The following SCHIP1 variants were observed in gnomAD, a reference collection of about 807,000 sequenced individuals.
SCHIP1 encodes the protein schwannomin-interacting protein 1.
Under a neutral mutation model 29.7 loss-of-function variants are expected in SCHIP1, and 8 were observed. That is an observed-to-expected ratio of 0.27 (90% confidence interval 0.16 to 0.49). The LOEUF is 0.49. Ranked by LOEUF, SCHIP1 falls within the 20% of genes least tolerant of loss-of-function variation. The pLI is 0.99. For synonymous variants in SCHIP1, 76 were observed against 94.9 expected (o/e 0.80, Z 1.16); for missense variants, 193 against 294.6 (o/e 0.66, Z 2.52).
chr3:159,891,382 A>C (rs1015464538), intron 5 of SCHIP1, among the ~76,000 whole-genome samples: 6 of 151,724 alleles, frequency 4.0e-5, no homozygotes, highest in Admixed American at 3.9e-4. Context: ...AAAAAAGAAA[A>C]AGGAAGGAAG....
the SCHIP1 span, among the ~76,000 whole-genome samples, chr3:159,542,144 A>G: frequency 1.3e-5 from 2 of 152,270 alleles, no homozygotes; most frequent in Middle Eastern, 3.4e-3. Context: ...CTCCAAACAC[A>G]GCAATGAAAT....
chr3:159,718,593 C>T, the SCHIP1 span, among the ~76,000 whole-genome samples: 4 of 152,066 alleles, frequency 2.6e-5, no homozygotes, highest in Admixed American at 2.6e-4. Flanking sequence ...CAATAACAGA[C>T]AAACAGAGAG....
At chr3:159,720,658 C>A in the SCHIP1 span, among the ~76,000 whole-genome samples, 3 of 152,040 alleles carry the variant, frequency 2.0e-5, no homozygotes, top group East Asian at 5.8e-4. Flanking sequence ...CATCTCGGCT[C>A]ACTGCAACCT....
the SCHIP1 span, among the ~76,000 whole-genome samples, chr3:159,620,805 T>C: frequency 6.6e-6 from 1 of 152,202 alleles, no homozygotes; most frequent in Non-Finnish European, 1.5e-5. Flanking sequence ...AACAGAACCA[T>C]GGAGGATCAT....
chr3:159,492,225 G>C, the SCHIP1 span, among the ~76,000 whole-genome samples: 17 of 152,280 alleles, frequency 1.1e-4, no homozygotes, highest in Non-Finnish European at 1.8e-4. Context: ...CAGCTCCCTA[G>C]CAGCAACGGA....
chr3:159,787,306 T>C, the SCHIP1 span, among the ~76,000 whole-genome samples: 1 of 152,236 alleles, frequency 6.6e-6, no homozygotes, highest in African/African-American at 2.4e-5. Context: ...TGGTTGTCTT[T>C]GTAAACACTG....
At chr3:159,614,671 G>A in the SCHIP1 span, among the ~76,000 whole-genome samples, 1 of 152,144 alleles carries the variant, frequency 6.6e-6, no homozygotes, top group African/African-American at 2.4e-5. Context: ...GTTCAGAAAG[G>A]CAATTGCGTA....
the SCHIP1 span, among the ~76,000 whole-genome samples, chr3:159,592,308 T>C: frequency 6.6e-6 from 1 of 152,174 alleles, no homozygotes. Flanking sequence ...TTGGGGAAAG[T>C]ACCTCTGAAC....
chr3:159,675,542 G>A, the SCHIP1 span, among the ~76,000 whole-genome samples: 6 of 152,276 alleles, frequency 3.9e-5, no homozygotes, highest in African/African-American at 2.4e-5. Flanking sequence ...ATGGTTCCAC[G>A]AAAAGGCCAG....
At chr3:159,459,759 T>C in the SCHIP1 span, among the ~76,000 whole-genome samples, 1 of 152,148 alleles carries the variant, frequency 6.6e-6, no homozygotes, top group East Asian at 1.9e-4. Context: ...GAAAATGTTA[T>C]TGAGTTAAAA....
chr3:159,594,257 G>T, the SCHIP1 span, among the ~76,000 whole-genome samples: 1 of 152,222 alleles, frequency 6.6e-6, no homozygotes, highest in Non-Finnish European at 1.5e-5. Flanking sequence ...ATTGATGGCT[G>T]GGAAATTAAT....
At chr3:159,769,252 A>G in the SCHIP1 span, among the ~76,000 whole-genome samples, 1 of 139,786 alleles carries the variant, frequency 7.2e-6, no homozygotes, top group African/African-American at 2.6e-5. Flanking sequence ...CTCCTGTTCA[A>G]AAGGCTCTGT....
At chr3:159,561,059 C>A in the SCHIP1 span, among the ~76,000 whole-genome samples, 1 of 152,302 alleles carries the variant, frequency 6.6e-6, no homozygotes, top group Non-Finnish European at 1.5e-5. Context: ...ATACACACAG[C>A]ACACCAGATT....
chr3:159,288,504 G>C, the SCHIP1 span, among the ~76,000 whole-genome samples: 1 of 152,086 alleles, frequency 6.6e-6, no homozygotes, highest in African/African-American at 2.4e-5. Flanking sequence ...TTGGGAGGCC[G>C]GGGCGGGCGG....
At chr3:159,705,204 T>C in the SCHIP1 span, among the ~76,000 whole-genome samples, 734 of 151,970 alleles carry the variant, frequency 4.8e-3, 8 homozygotes, top group Admixed American at 0.022. Flanking sequence ...CTTCAGGGGA[T>C]CCACCTGCCT....
intron 1 of SCHIP1, among the ~76,000 whole-genome samples, chr3:159,863,748 G>T (rs987621766): frequency 6.6e-6 from 1 of 152,146 alleles, no homozygotes; most frequent in African/African-American, 2.4e-5. Context: ...AGGAGAGGGG[G>T]AAAGAGAGTG....
chr3:159,795,765 AC>A, the SCHIP1 span, among the ~76,000 whole-genome samples: 1 of 152,316 alleles, frequency 6.6e-6, no homozygotes, highest in African/African-American at 2.4e-5. Flanking sequence ...GGCAGAGGGA[AC>A]AACGTGTGTA....
chr3:159,497,847 A>G, the SCHIP1 span, among the ~76,000 whole-genome samples: 1 of 152,190 alleles, frequency 6.6e-6, no homozygotes, highest in Non-Finnish European at 1.5e-5. Flanking sequence ...CACATTACCC[A>G]AGTACCCTCC....
chr3:159,285,042 C>T, the SCHIP1 span, among the ~76,000 whole-genome samples: 2 of 151,874 alleles, frequency 1.3e-5, no homozygotes, highest in Admixed American at 6.6e-5. Context: ...TGTTTAATGA[C>T]AATTCTAAAA....
Sources: gnomAD v4.1 joint callset for allele counts (sites outside exome capture counted in the v4.1 genomes callset) on GRCh38, gnomAD v4.1.1 for gene constraint, MANE v1.5 for transcripts, NCBI Gene and HGNC (gene_info 2026-07-23, HGNC 2026-07-21) for gene names.